Variants in CDH10 observed in about 807,000 individuals in gnomAD.
The protein encoded by CDH10 is cadherin 10, also known as cadherin-10.
CDH10 carries 30 observed loss-of-function variants against 73.1 expected under a neutral mutation model. That is an observed-to-expected ratio of 0.41 (90% CI 0.31 to 0.56). The LOEUF (loss-of-function observed/expected upper bound fraction) is 0.56. Ranked by LOEUF, CDH10 falls within the 20% of genes least tolerant of loss-of-function variation. The probability of loss-of-function intolerance (pLI) is 0.27; values close to 1 mark genes in which losing one functional copy is unlikely to be tolerated. For synonymous variants in CDH10, 345 were observed against 348.2 expected (o/e 0.99, Z 0.10); for missense variants, 815 against 973.7 (o/e 0.84, Z 2.17).
chr5:24,564,565 T>C (rs1745097872), intron 2 of CDH10, among the ~76,000 whole-genome samples: 1 of 152,138 alleles, frequency 6.6e-6, no homozygotes, highest in African/African-American at 2.4e-5. Flanking sequence ...CAGGGGTTGT[T>C]AAAAGTGAGC....
At chr5:24,608,815 T>G (rs2112138082) in intron 1 of CDH10, among the ~76,000 whole-genome samples, 1 of 152,316 alleles carries the variant, frequency 6.6e-6, no homozygotes, top group African/African-American at 2.4e-5. Flanking sequence ...AGCTTAAATT[T>G]CGTCAGGGTG....
At chr5:24,534,968 C>G (rs1743892490) in intron 5 of CDH10, 144 bp downstream of exon 5, 2 of 716,350 alleles carry the variant, frequency 2.8e-6, no homozygotes, top group Non-Finnish European at 4.5e-6. Context: ...GCATGTACAC[C>G]TTTTGTTTAC....
chr5:24,530,547 G>A (rs1168605700), intron 5 of CDH10, among the ~76,000 whole-genome samples: 1 of 151,884 alleles, frequency 6.6e-6, no homozygotes, highest in Non-Finnish European at 1.5e-5. Context: ...TTTAAAGTAT[G>A]GAAGTATAAT....
At chr5:24,595,422 G>A (rs779456254) in intron 1 of CDH10, among the ~76,000 whole-genome samples, 4 of 151,866 alleles carry the variant, frequency 2.6e-5, no homozygotes, top group African/African-American at 4.8e-5. Flanking sequence ...CAGTGGAGTC[G>A]TCCACAATGC....
intron 5 of CDH10, among the ~76,000 whole-genome samples, chr5:24,512,613 A>T (rs1156377450): frequency 6.6e-6 from 1 of 152,202 alleles, no homozygotes; most frequent in Non-Finnish European, 1.5e-5. Flanking sequence ...CTCAATACTG[A>T]CAAACTCCCC....
At chr5:24,565,896 A>G (rs1424608886) in intron 2 of CDH10, among the ~76,000 whole-genome samples, 1 of 152,114 alleles carries the variant, frequency 6.6e-6, no homozygotes, top group African/African-American at 2.4e-5. Flanking sequence ...ATCTGGAACT[A>G]TTAGCCTCCA....
intron 8 of CDH10, among the ~76,000 whole-genome samples, chr5:24,502,615 C>CA (rs1255601525): frequency 3.3e-5 from 5 of 151,024 alleles, no homozygotes; most frequent in South Asian, 2.1e-4. Context: ...TATTTGAGGA[C>CA]AAAAAAAAGA....
chr5:24,605,069 G>T lies in CDH10; in HGVS notation c.-123-11456C>A, dbSNP rs371321701. On this transcript the variant is annotated intron_variant, in intron 1 of 11. Transcript: ENST00000264463. Reference sequence around the variant, plus strand: ...AACTTGAACAGACATCTTTAGCAAAGAAAATATATAGATGGAAAATAAGCA... The same window carrying T: ...AACTTGAACAGACATCTTTAGCAAATAAAATATATAGATGGAAAATAAGCA... 2.2e-4 allele frequency among the ~76,000 whole-genome samples: 33 copies of T among 152,092 alleles called. No individual in the cohort carries two copies. The South Asian group carries it at 4.6e-3, about 21-fold the overall frequency.
rs10051846 is a variant in CDH10 at position 24,567,047 on chromosome 5, A to G, written c.231+26213T>C. The stretch of plus-strand genomic sequence containing the variant: ...CAAACCTCAGAAACATCTTGAATAA[A>G]CTGATATATACAAATAGCCATTAAG... On this transcript the variant is annotated intron_variant, in intron 2 of 11. Coordinates refer to ENST00000264463, the MANE Select transcript of CDH10 (RefSeq NM_006727.5). Among the ~76,000 whole-genome samples, 1,510 of 152,234 alleles carry G rather than the reference A, an allele frequency of 9.9e-3. 34 individuals are homozygous for G. The highest frequency in any genetic ancestry group is 0.034 in the African/African-American group (1,427 of 41,564).
At chr5:24,561,525 C>A (rs1744960408) in intron 2 of CDH10, among the ~76,000 whole-genome samples, 1 of 152,108 alleles carries the variant, frequency 6.6e-6, no homozygotes. Flanking sequence ...CGCGACCCTA[C>A]TGCATTTTTC....
At chr5:24,511,633 A>C in intron 5 of CDH10, 119 bp from the exon 6 acceptor site, 1 of 607,442 alleles carries the variant, frequency 1.6e-6, no homozygotes, top group Non-Finnish European at 2.9e-6. Context: ...TGTAAGACGC[A>C]ATATAATAGA....
intron 1 of CDH10, among the ~76,000 whole-genome samples, chr5:24,628,334 CAT>C (rs1163504615): frequency 6.6e-6 from 1 of 152,236 alleles, no homozygotes; most frequent in East Asian, 1.9e-4. Context: ...ATATTTTAAA[CAT>C]ATTAAAGACA....
intron 2 of CDH10, among the ~76,000 whole-genome samples, chr5:24,563,788 A>G (rs1745058717): frequency 6.6e-6 from 1 of 150,924 alleles, no homozygotes; most frequent in African/African-American, 2.4e-5. Flanking sequence ...AAAAAAAAAA[A>G]AAAAAAAAAA....
At chr5:24,532,953 A>G (rs535549039) in intron 5 of CDH10, among the ~76,000 whole-genome samples, 2 of 152,172 alleles carry the variant, frequency 1.3e-5, no homozygotes, top group South Asian at 4.1e-4. Flanking sequence ...ATGAAATACA[A>G]TTTTCCAGAC....
At chr5:24,529,204 G>T (rs1253131006) in intron 5 of CDH10, among the ~76,000 whole-genome samples, 2 of 151,938 alleles carry the variant, frequency 1.3e-5, no homozygotes, top group Admixed American at 1.3e-4. Flanking sequence ...AAAGTCAGTA[G>T]CCCTACAATG....
chr5:24,503,406 G>A (rs1194009838), intron 8 of CDH10, among the ~76,000 whole-genome samples: 6 of 152,210 alleles, frequency 3.9e-5, no homozygotes, highest in African/African-American at 1.4e-4. Flanking sequence ...TGTGCTGGCA[G>A]GGCTGGCTTC....
intron 2 of CDH10, among the ~76,000 whole-genome samples, chr5:24,566,701 A>G (rs192321581): frequency 6.6e-6 from 1 of 152,256 alleles, no homozygotes; most frequent in Admixed American, 6.5e-5. Context: ...TATGCTATAT[A>G]CAAAAATATA....
At chr5:24,592,508 G>A (rs762345868) in intron 2 of CDH10, among the ~76,000 whole-genome samples, 8 of 151,692 alleles carry the variant, frequency 5.3e-5, no homozygotes, top group Admixed American at 1.3e-4. Context: ...TTCAGATAGC[G>A]TCAAGAAAGA....
Position 24,535,170 on chromosome 5 carries a change from T to C in CDH10, c.756A>G (p.Thr252=). Residue 252 remains threonine, a synonymous_variant, in exon 5 of 12, where the codon ACA becomes ACG. Coordinates refer to ENST00000264463, the MANE Select transcript of CDH10 (RefSeq NM_006727.5). ...MGGQMGGLSG[T]TTVNITLTDV... is the part of the protein sequence containing the mutation. ...CTGTCAGCGTGATGTTCACAGTGGTTGTCCCCGATAAGCCTCCCATCTGGC... is the reference window on the plus strand; with the variant it reads ...CTGTCAGCGTGATGTTCACAGTGGTCGTCCCCGATAAGCCTCCCATCTGGC... 6.2e-7 allele frequency: 1 copy of C among 1,613,540 alleles called. No individual in the cohort carries two copies. The highest frequency in any genetic ancestry group is 8.5e-7 in the Non-Finnish European group (1 of 1,179,706).
Sources: gnomAD v4.1 joint callset for allele counts (sites outside exome capture counted in the v4.1 genomes callset) on GRCh38, gnomAD v4.1.1 for gene constraint, MANE v1.5 for transcripts, NCBI Gene and HGNC (gene_info 2026-07-23, HGNC 2026-07-21) for gene names.